UBA6: variants seen among roughly 807,000 people sequenced by gnomAD.
UBA6 encodes ubiquitin like modifier activating enzyme 6.
In UBA6, 87 loss-of-function variants were observed where a neutral mutation model predicts 148.3. The ratio of observed to expected loss-of-function variants is 0.59; its 90% CI spans 0.49 to 0.70. UBA6 has a LOEUF of 0.70. Among genes scored for constraint, UBA6 ranks in the 30% least tolerant of loss-of-function variants. The probability of loss-of-function intolerance (pLI) is 0.00; values close to 1 mark genes in which losing one functional copy is unlikely to be tolerated. For missense variants in UBA6, 1,186 were observed against 1,241.2 expected, an observed-to-expected ratio of 0.96 and a Z score of 0.67; for synonymous variants, 376 against 401.0, an observed-to-expected ratio of 0.94 and a Z score of 0.75.
chr4:67,696,470 T>C (rs1177489084), intron 2 of UBA6, among the ~76,000 whole-genome samples, 175 bp downstream of exon 2: 1 of 150,122 alleles, frequency 6.7e-6, no homozygotes, highest in Non-Finnish European at 1.5e-5. Flanking sequence ...CATATACATA[T>C]ATACACATAT....
intron 13 of UBA6, among the ~76,000 whole-genome samples, chr4:67,660,623 C>G (rs573664063): frequency 1.3e-5 from 2 of 152,264 alleles, no homozygotes; most frequent in South Asian, 4.1e-4. Flanking sequence ...AGGGGTGGGG[C>G]CCTCATGGAG....
chr4:67,693,943 G>A (rs112737577), intron 2 of UBA6, among the ~76,000 whole-genome samples: 5,664 of 151,966 alleles, frequency 0.037, 159 homozygotes, highest in East Asian at 0.1. Context: ...AGCTGGGCAC[G>A]GTGGCTCGCG....
chr4:67,676,386 A>G (rs1487715903), intron 6 of UBA6, among the ~76,000 whole-genome samples: 1 of 152,194 alleles, frequency 6.6e-6, no homozygotes, highest in African/African-American at 2.4e-5. Flanking sequence ...AAAGATAATA[A>G]AGTTTAATCT....
At chr4:67,684,960 T>C (rs1379305250) in intron 2 of UBA6, among the ~76,000 whole-genome samples, 2 of 152,200 alleles carry the variant, frequency 1.3e-5, no homozygotes, top group Non-Finnish European at 2.9e-5. Flanking sequence ...GCACCTAGAA[T>C]TAAGTAAGTA....
intron 6 of UBA6, among the ~76,000 whole-genome samples, chr4:67,674,363 T>G (rs1451410676): frequency 6.6e-6 from 1 of 152,140 alleles, no homozygotes; most frequent in Non-Finnish European, 1.5e-5. Context: ...AGAATTGTAT[T>G]TGCTGTGTAA....
rs12504029 is a variant in UBA6 at position 67,615,204 on chromosome 4, G to C, written c.*3793C>G. The stretch of plus-strand genomic sequence containing the variant: ...TATCTGGATCCCTCATAAATGGCTT[G>C]GTGCCCTCGTTGAGATGACGAGTTC... On this transcript the variant is annotated 3_prime_UTR_variant, in exon 33 of 33. Transcript: ENST00000322244. The C allele has an allele frequency of 6.6e-6, 1 of 152,014 alleles. No homozygotes were observed. The highest frequency in any genetic ancestry group is 6.5e-5 in the Admixed American group (1 of 15,270). 9.4% of individuals were successfully genotyped at this position (152,014 alleles called of 1,614,324 possible).
intron 27 of UBA6, among the ~76,000 whole-genome samples, chr4:67,628,026 C>T (rs1728910915): frequency 6.6e-6 from 1 of 150,394 alleles, no homozygotes; most frequent in African/African-American, 2.4e-5. Flanking sequence ...TATAATACCA[C>T]CCAAGCAGCT....
At chr4:67,683,476 C>A (rs543595735) in intron 2 of UBA6, among the ~76,000 whole-genome samples, 153 of 152,266 alleles carry the variant, frequency 1.0e-3, no homozygotes, top group Non-Finnish European at 1.6e-3. Flanking sequence ...CTTGTCCAAC[C>A]CACGGTCCAC....
intron 32 of UBA6, 80 bp downstream of exon 32, chr4:67,622,751 C>T (rs79574882): frequency 1.0e-6 from 1 of 964,630 alleles, no homozygotes; most frequent in East Asian, 2.5e-5. Flanking sequence ...ATTATAGTAA[C>T]CTCTATATTT....
chr4:67,658,182 C>G (rs980647331), intron 13 of UBA6, among the ~76,000 whole-genome samples: 1 of 152,094 alleles, frequency 6.6e-6, no homozygotes, highest in African/African-American at 2.4e-5. Flanking sequence ...CCAGGAATGC[C>G]ATTACTGGGT....
intron 22 of UBA6, among the ~76,000 whole-genome samples, chr4:67,633,715 C>T (rs1477637311): frequency 6.6e-6 from 1 of 152,078 alleles, no homozygotes; most frequent in African/African-American, 2.4e-5. Context: ...TACAAGTTAT[C>T]CTCATATTTT....
In UBA6 at chr4:67,670,522, A is replaced by G. The variant is rs1425719499; in HGVS notation, c.617T>C (p.Leu206Ser). The change falls in exon 8 of 33, where the codon TTA becomes TCA. Residue 206 changes from leucine (L) to serine (S), a missense_variant. By Grantham distance (145) the Leu-to-Ser change is moderately radical. Transcript: ENST00000322244. ...TTTTGGTTCTTCTCCTGTTGTATCT[A>G]AAACTTCAAATTCATCACCGAAATC... ...FCDFGDEFEV[L>S]DTTGEEPKEI... The G allele has an allele frequency of 3.7e-6, 6 of 1,602,806 alleles. No individual in the cohort carries two copies. The highest frequency in any genetic ancestry group is 2.2e-5 in the South Asian group (2 of 90,836).
At chr4:67,635,399 C>T (rs1283487271) in intron 20 of UBA6, 54 bp downstream of exon 20, 31 of 1,157,526 alleles carry the variant, frequency 2.7e-5, no homozygotes, top group Non-Finnish European at 6.4e-6. Context: ...TTGATTAAGA[C>T]AAAAATTACA....
chr4:67,649,782 G>A (rs1461052163), intron 13 of UBA6, among the ~76,000 whole-genome samples: 2 of 152,100 alleles, frequency 1.3e-5, no homozygotes, highest in Non-Finnish European at 2.9e-5. Flanking sequence ...TTGGAAAACT[G>A]AATTTTAGAT....
chr4:67,654,028 G>A (rs1156440558), intron 13 of UBA6, among the ~76,000 whole-genome samples: 2 of 152,160 alleles, frequency 1.3e-5, no homozygotes, highest in Non-Finnish European at 2.9e-5. Context: ...CAAGAAATAT[G>A]GGACTATGTG....
Position 67,677,715 on chromosome 4 carries a change from C to T in UBA6, c.361G>A (p.Ala121Thr), listed in dbSNP as rs936515919. The change falls in exon 6 of 33, where the codon GCT (alanine) becomes ACT (threonine). Residue 121 changes from alanine (A) to threonine (T), a missense_variant. By Grantham distance (58) the Ala-to-Thr change is moderately conservative. Transcript: ENST00000322244. Reference sequence around the variant, plus strand: ...AGTTCTGCAATATGTTTAAGTACAGCTTCAGCCCTAAAAAAATAAAATAAA... The same window carrying T: ...AGTTCTGCAATATGTTTAAGTACAGTTTCAGCCCTAAAAAAATAAAATAAA... Reference protein sequence around the residue: ...DVVNKRNRAEAVLKHIAELNP... With the variant: ...DVVNKRNRAETVLKHIAELNP... 1.9e-6 allele frequency: 3 copies of T among 1,553,638 alleles called. No homozygotes were observed. Among genetic ancestry groups the T allele is most frequent in the African/African-American group, 1.4e-5 (1 of 72,538 alleles).
intron 13 of UBA6, among the ~76,000 whole-genome samples, chr4:67,655,861 C>T (rs191920734): frequency 6.6e-6 from 1 of 152,234 alleles, no homozygotes; most frequent in East Asian, 1.9e-4. Context: ...GGGGATATCA[C>T]CATCAATCCC....
At chr4:67,696,174 C>T (rs1195610264) in intron 2 of UBA6, among the ~76,000 whole-genome samples, 2 of 152,000 alleles carry the variant, frequency 1.3e-5, no homozygotes, top group Non-Finnish European at 2.9e-5. Context: ...TATTGTATGA[C>T]TAAAGTGAAA....
chr4:67,630,012 TA>T (rs1184960115), intron 26 of UBA6, among the ~76,000 whole-genome samples: 4 of 152,092 alleles, frequency 2.6e-5, no homozygotes, highest in Non-Finnish European at 5.9e-5. Flanking sequence ...AGTATGATGC[TA>T]AAGTAAGAAA....
Sources: allele counts gnomAD v4.1 joint callset (sites outside exome capture counted in the v4.1 genomes callset), GRCh38; gene constraint gnomAD v4.1.1; transcripts MANE v1.5; gene names NCBI Gene and HGNC (gene_info 2026-07-23, HGNC 2026-07-21).